The following GPR183 variants were observed in gnomAD, a reference collection of about 807,000 sequenced individuals.
GPR183 encodes G protein-coupled receptor 183.
Under a neutral mutation model 19.7 loss-of-function variants are expected in GPR183, and 9 were observed. The observed-to-expected ratio is 0.46, with a 90% CI of 0.28 to 0.80. GPR183 has a LOEUF of 0.80. Ranked by LOEUF, GPR183 falls within the 30% of genes least tolerant of loss-of-function variation. The pLI is 0.13. For missense variants in GPR183, 368 were observed against 446.7 expected (o/e 0.82, Z 1.59); for synonymous variants, 160 against 155.1 (o/e 1.03, Z -0.24).
chr13:99,305,769 GGTTTTATGTCCAAAAA>G lies in GPR183; in HGVS notation c.-19+1555_-19+1570del, dbSNP rs1043105638. 5.4e-4 allele frequency among the ~76,000 whole-genome samples: 82 copies of G among 152,236 alleles called. 1 individual carries two copies. The highest frequency in any genetic ancestry group is 1.9e-3 in the African/African-American group (80 of 41,542). ...TTTTGTGGAGTAGCATATTCTTTGTGGTTTTATGTCCAAAAAGTGCAGTGAACCCGCAGAGAGAAAA... is the reference window on the plus strand; with the variant it reads ...TTTTGTGGAGTAGCATATTCTTTGTGGTGCAGTGAACCCGCAGAGAGAAAA... On this transcript the variant is annotated intron_variant, in intron 1 of 1. Transcript: ENST00000376414.
intron 1 of GPR183, among the ~76,000 whole-genome samples, chr13:99,306,323 A>G (rs965560724): frequency 3.3e-5 from 5 of 152,260 alleles, no homozygotes; most frequent in East Asian, 1.9e-4. Flanking sequence ...ATGAGAGGCA[A>G]TGTTGTAAGG....
At chr13:99,300,782 A>G (rs2138730448) in intron 1 of GPR183, among the ~76,000 whole-genome samples, 1 of 152,300 alleles carries the variant, frequency 6.6e-6, no homozygotes, top group Non-Finnish European at 1.5e-5. Context: ...ATTTTTTCAC[A>G]TGCATAGCAG....
At position 99,295,186 on chromosome 13, in the gene GPR183, C is replaced by T. The variant is rs778346385; in HGVS notation, c.960G>A (p.Met320Ile). 1 of 1,614,162 alleles carries T rather than the reference C, an allele frequency of 6.2e-7. No individual in the cohort carries two copies. Among genetic ancestry groups the T allele is most frequent in the Non-Finnish European group, 8.5e-7 (1 of 1,180,014 alleles). Residue 320 changes from methionine (M) to isoleucine (I), a missense_variant, in exon 2 of 2, where the codon ATG becomes ATA. Coordinates refer to ENST00000376414, the MANE Select transcript of GPR183 (RefSeq NM_004951.5). This position sits in a 1 kb window ranked among gnomAD's most constrained non-coding sequence, Gnocchi z 4.1. ...CACTGACTTGCCGTTTCAGCATCCT[C>T]ATAACCTTTCTCTTATACCCTTTAC... ...FACKGYKRKV[M>I]RMLKRQVSVS...
chr13:99,303,895 T>G (rs2044292283), intron 1 of GPR183, among the ~76,000 whole-genome samples: 1 of 152,168 alleles, frequency 6.6e-6, no homozygotes, highest in Non-Finnish European at 1.5e-5. Flanking sequence ...CGCCCAGGAC[T>G]CCGTGTTCTC....
At chr13:99,298,649 A>G (rs1241932602) in intron 1 of GPR183, among the ~76,000 whole-genome samples, 2 of 152,210 alleles carry the variant, frequency 1.3e-5, no homozygotes, top group African/African-American at 4.8e-5. Context: ...TTAATGAAAT[A>G]TAAAAGACAA....
chr13:99,302,095 C>T (rs552715885), intron 1 of GPR183, among the ~76,000 whole-genome samples: 3 of 152,124 alleles, frequency 2.0e-5, no homozygotes, highest in African/African-American at 7.2e-5. Context: ...TGACCTAAAT[C>T]AATGTGCCCA....
Position 99,296,178 on chromosome 13 carries a change from A to G in GPR183, c.-18-15T>C. 6.5e-7 allele frequency: 1 copy of G among 1,534,492 alleles called. No individual in the cohort carries two copies. The highest frequency in any genetic ancestry group is 8.7e-7 in the Non-Finnish European group (1 of 1,143,192). ...GGTCCAGGTGTCTAGAAAAAAACCA[A>G]GAAGGATCATATAAGTAAAAGCATA... On this transcript the variant is annotated splice_polypyrimidine_tract_variant and intron_variant, in intron 1 of 1. Coordinates refer to ENST00000376414, the MANE Select transcript of GPR183 (RefSeq NM_004951.5).
chr13:99,302,755 C>T (rs114174757), intron 1 of GPR183, among the ~76,000 whole-genome samples: 1 of 152,192 alleles, frequency 6.6e-6, no homozygotes, highest in African/African-American at 2.4e-5. Context: ...TCAGAGCCTC[C>T]TGGTGCTTCA....
intron 1 of GPR183, among the ~76,000 whole-genome samples, chr13:99,300,419 C>A (rs1475942040): frequency 6.6e-6 from 1 of 152,176 alleles, no homozygotes; most frequent in Non-Finnish European, 1.5e-5. Flanking sequence ...TTATATTTAT[C>A]CTGTGTTATT....
intron 1 of GPR183, among the ~76,000 whole-genome samples, chr13:99,306,793 T>C (rs997974663): frequency 1.3e-5 from 2 of 152,192 alleles, no homozygotes. Flanking sequence ...AAGCAAAGAT[T>C]GGTACTCTTT....
At position 99,295,666 on chromosome 13, in the gene GPR183, A is replaced by G. The variant is rs559635351; in HGVS notation, c.480T>C (p.Phe160=). Residue 160 remains phenylalanine, a synonymous_variant, in exon 2 of 2, where the codon TTT becomes TTC. Coordinates refer to ENST00000376414, the MANE Select transcript of GPR183 (RefSeq NM_004951.5). This position sits in a 1 kb window ranked among gnomAD's most constrained non-coding sequence, Gnocchi z 4.1. Reference sequence around the variant, plus strand: ...TGATGAGGAGTGGGAGTGTCTGAGCAAATACTAGAATCCAGACAAATATGC... The same window carrying G: ...TGATGAGGAGTGGGAGTGTCTGAGCGAATACTAGAATCCAGACAAATATGC... ...GVCIFVWILV[F]AQTLPLLINP... The G allele has an allele frequency of 6.2e-7, 1 of 1,614,168 alleles. No individual in the cohort carries two copies. Among genetic ancestry groups the G allele is most frequent in the African/African-American group, 1.3e-5 (1 of 75,032 alleles).
At position 99,295,477 on chromosome 13, in the gene GPR183, G is replaced by A. The variant is rs1304963912; in HGVS notation, c.669C>T (p.Leu223=). ...GTGGGTTTTGTTTGGCAGTTCTGAA[G>A]AGTTTGCAGCAGATCTGAGAATAGC... ...LICYSQICCK[L]FRTAKQNPLT... Residue 223 remains leucine (L), a synonymous_variant, in exon 2 of 2, where the codon CTC becomes CTT. Transcript: ENST00000376414. The surrounding 1 kb of genome is among the most constrained non-coding windows in gnomAD (Gnocchi z 4.1). 5 of 1,613,970 alleles carry A rather than the reference G, an allele frequency of 3.1e-6. No homozygotes were observed. The highest frequency in any genetic ancestry group is 4.5e-5 in the East Asian group (2 of 44,874).
Position 99,296,118 on chromosome 13 carries a change from T to C in GPR183, c.28A>G (p.Thr10Ala), listed in dbSNP as rs770545638. 3.1e-6 allele frequency: 5 copies of C among 1,603,608 alleles called. No homozygotes were observed. Among genetic ancestry groups the C allele is most frequent in the Non-Finnish European group, 8.5e-7 (1 of 1,173,704 alleles). Reference sequence around the variant, plus strand: ...CCCTGAGGAGTTGCAGAGGGCGGAGTAAAATTGTTTGCCATTTGTATATCC... The same window carrying C: ...CCCTGAGGAGTTGCAGAGGGCGGAGCAAAATTGTTTGCCATTTGTATATCC... MDIQMANNF[T>A]PPSATPQGND... is the part of the protein sequence containing the mutation. The change falls in exon 2 of 2, where the codon ACT (threonine) becomes GCT (alanine). Residue 10 changes from threonine to alanine, a missense_variant. Thr to Ala is a moderately conservative substitution (Grantham distance 58, BLOSUM62 0). Transcript: ENST00000376414.
rs1440150850 is a variant in GPR183 at position 99,294,935 on chromosome 13, G to T, written c.*125C>A. 8.6e-6 allele frequency: 9 copies of T among 1,047,960 alleles called. No individual in the cohort carries two copies. The highest frequency in any genetic ancestry group is 1.2e-5 in the Non-Finnish European group (9 of 731,568). 64.9% of individuals were successfully genotyped at this position (1,047,960 alleles called of 1,614,324 possible). A position where few individuals can be genotyped will look rare whatever the true frequency, so the allele number is the denominator to read the frequency against. ...TTACTTCCGAGTTGGAGATGGGAAA[G>T]TGCCCAATGAAAGAAATATAAAAGA... On this transcript the variant is annotated 3_prime_UTR_variant, in exon 2 of 2. Coordinates refer to ENST00000376414, the MANE Select transcript of GPR183 (RefSeq NM_004951.5).
chr13:99,304,511 G>A (rs1179403330), intron 1 of GPR183, among the ~76,000 whole-genome samples: 1 of 152,266 alleles, frequency 6.6e-6, no homozygotes, highest in East Asian at 1.9e-4. Flanking sequence ...ATGTATGATC[G>A]ATATTCAATA....
intron 1 of GPR183, among the ~76,000 whole-genome samples, chr13:99,302,053 A>C (rs955457329): frequency 6.6e-6 from 1 of 152,198 alleles, no homozygotes; most frequent in Non-Finnish European, 1.5e-5. Flanking sequence ...CTGTAGGTCA[A>C]GTCTTCTCTA....
At position 99,295,753 on chromosome 13, in the gene GPR183, A is replaced by G; in HGVS notation, c.393T>C (p.Ile131=). 1 of 1,614,174 alleles carries G rather than the reference A, an allele frequency of 6.2e-7. No homozygotes were observed. ...TGTAGCGTAGAGGGTGCACCACAGC[A>G]ATGAAGCGGTCAATACTCAGGCAGG... ...FMTCLSIDRF[I]AVVHPLRYNK... The change falls in exon 2 of 2, where the codon ATT becomes ATC. Residue 131 remains isoleucine (I), a synonymous_variant. Transcript: ENST00000376414. This position sits in a 1 kb window ranked among gnomAD's most constrained non-coding sequence, Gnocchi z 4.1.
At chr13:99,301,146 C>T (rs561331528) in intron 1 of GPR183, among the ~76,000 whole-genome samples, 5 of 152,300 alleles carry the variant, frequency 3.3e-5, no homozygotes, top group African/African-American at 1.2e-4. Context: ...ATGCACGTGG[C>T]CCCTCAGCCG....
At chr13:99,296,758 AAAG>A (rs1408061840) in intron 1 of GPR183, among the ~76,000 whole-genome samples, 17 of 152,300 alleles carry the variant, frequency 1.1e-4, no homozygotes, top group South Asian at 2.1e-4. Context: ...TTCTTTTTAA[AAAG>A]AAGAAGACGA....
Sources: allele counts gnomAD v4.1 joint callset (sites outside exome capture counted in the v4.1 genomes callset), GRCh38; gene constraint gnomAD v4.1.1; non-coding constraint Gnocchi (gnomAD v3.1); transcripts MANE v1.5; gene names NCBI Gene and HGNC (gene_info 2026-07-23, HGNC 2026-07-21).